The following ANKS1B variants were observed in gnomAD, a reference collection of about 807,000 sequenced individuals.
ANKS1B encodes ankyrin repeat and sterile alpha motif domain-containing protein 1B.
ANKS1B carries 36 observed loss-of-function variants against 148.3 expected under a neutral mutation model. The ratio of observed to expected loss-of-function variants is 0.24; its 90% CI spans 0.19 to 0.32. ANKS1B has a LOEUF of 0.32. Ranked by LOEUF, ANKS1B falls within the 10% of genes least tolerant of loss-of-function variation. The pLI is 1.00. For synonymous variants in ANKS1B, 542 were observed against 560.8 expected, an observed-to-expected ratio of 0.97 and a Z score of 0.47; for missense variants, 1,157 against 1,542.6, an observed-to-expected ratio of 0.75 and a Z score of 4.19.
chr12:99,538,795 G>A (rs2097097624), intron 9 of ANKS1B, among the ~76,000 whole-genome samples: 2 of 152,130 alleles, frequency 1.3e-5, no homozygotes, highest in Non-Finnish European at 2.9e-5. Flanking sequence ...AGTGGTGACA[G>A]TGGGCATCCT....
rs113750026 is a variant in ANKS1B at position 99,887,434 on chromosome 12, G to A, written c.135-62045C>T. Among the ~76,000 whole-genome samples, 427 of 152,188 alleles carry A rather than the reference G, an allele frequency of 2.8e-3. 1 individual carries two copies. The highest frequency in any genetic ancestry group is 9.7e-3 in the African/African-American group (404 of 41,524). On this transcript the variant is annotated intron_variant, in intron 1 of 26. Coordinates refer to ENST00000683438, the MANE Select transcript of ANKS1B (RefSeq NM_001352186.2). ...ATTAATATCATCTGTTTCTTTTCAC[G>A]TTTCAAAGTGTAGTTACTACAGATT... is the stretch of plus-strand genomic sequence containing the variant.
chr12:99,600,415 C>T (rs1192226644), intron 9 of ANKS1B, among the ~76,000 whole-genome samples: 5 of 151,844 alleles, frequency 3.3e-5, no homozygotes, highest in Admixed American at 6.6e-5. Context: ...ACTTTTATGC[C>T]GCTGCGAAGG....
intron 11 of ANKS1B, among the ~76,000 whole-genome samples, chr12:99,407,755 T>C (rs2094565931): frequency 6.9e-6 from 1 of 145,390 alleles, no homozygotes; most frequent in Admixed American, 6.8e-5. Flanking sequence ...TTACAATAGC[T>C]ACAAATAAAA....
At chr12:99,865,356 C>A (rs929955259) in intron 1 of ANKS1B, among the ~76,000 whole-genome samples, 1 of 152,138 alleles carries the variant, frequency 6.6e-6, no homozygotes, top group African/African-American at 2.4e-5. Context: ...CCCCTGGACT[C>A]GTAACTGCCC....
chr12:99,031,274 G>A (rs1228988382), intron 17 of ANKS1B, among the ~76,000 whole-genome samples: 2 of 152,138 alleles, frequency 1.3e-5, no homozygotes, highest in Non-Finnish European at 2.9e-5. Flanking sequence ...CATATGCCAG[G>A]AATTCCAGGT....
intron 19 of ANKS1B, among the ~76,000 whole-genome samples, chr12:98,825,181 T>A (rs1382326977): frequency 6.6e-6 from 1 of 152,102 alleles, no homozygotes; most frequent in Admixed American, 6.6e-5. Flanking sequence ...AGATACTGCA[T>A]GTGCAATCCC....
chr12:99,265,222 T>A (rs188725156), intron 12 of ANKS1B, among the ~76,000 whole-genome samples: 58 of 152,284 alleles, frequency 3.8e-4, no homozygotes, highest in Non-Finnish European at 6.3e-4. Context: ...TAGCATCTCC[T>A]GAACACTTAT....
rs558850984 is a variant in ANKS1B, at chr12:99,320,526, A to G, written c.1757-73662T>C. ...GCATGCATCATGTAGTTCTCGTGGC[A>G]TGGTTTTCAGCTCCATCCGGTCATT... On this transcript the variant is annotated intron_variant, in intron 12 of 26. Transcript: ENST00000683438. 7.2e-5 allele frequency among the ~76,000 whole-genome samples: 11 copies of G among 152,204 alleles called. No homozygotes were observed. The South Asian group carries it at 1.0e-3, about 14-fold the overall frequency.
At chr12:98,879,386 A>G (rs771804115) in intron 17 of ANKS1B, among the ~76,000 whole-genome samples, 2 of 152,236 alleles carry the variant, frequency 1.3e-5, no homozygotes, top group African/African-American at 2.4e-5. Context: ...TTTTCCCAAA[A>G]GCACACACAG....
At chr12:99,367,777 T>A (rs2092851641) in intron 12 of ANKS1B, among the ~76,000 whole-genome samples, 1 of 151,222 alleles carries the variant, frequency 6.6e-6, no homozygotes, top group South Asian at 2.1e-4. Flanking sequence ...GCAGAGTATG[T>A]GTGTGTGCTT....
At chr12:98,926,914 C>A (rs1191933801) in intron 17 of ANKS1B, among the ~76,000 whole-genome samples, 1 of 151,738 alleles carries the variant, frequency 6.6e-6, no homozygotes, top group African/African-American at 2.4e-5. Flanking sequence ...AGTGAGAGTC[C>A]CAGACAGATA....
chr12:99,296,987 CAT>C (rs2080961691), intron 12 of ANKS1B, among the ~76,000 whole-genome samples: 2 of 152,212 alleles, frequency 1.3e-5, no homozygotes, highest in South Asian at 4.1e-4. Context: ...ATTTCAGAAA[CAT>C]AGATTTTTGG....
At chr12:99,945,669 A>C (rs2095042574) in intron 1 of ANKS1B, among the ~76,000 whole-genome samples, 1 of 152,206 alleles carries the variant, frequency 6.6e-6, no homozygotes, top group African/African-American at 2.4e-5. Flanking sequence ...ATGGGCACTT[A>C]ATCCAGAACA....
At chr12:99,194,132 A>AT (rs964216238) in intron 14 of ANKS1B, among the ~76,000 whole-genome samples, 3 of 151,946 alleles carry the variant, frequency 2.0e-5, no homozygotes, top group Admixed American at 1.3e-4. Context: ...TGGAATATAT[A>AT]TTTTTTAAAG....
chr12:98,761,370 T>C (rs2098401899), intron 25 of ANKS1B, among the ~76,000 whole-genome samples: 1 of 152,202 alleles, frequency 6.6e-6, no homozygotes, highest in Non-Finnish European at 1.5e-5. Context: ...ATTAAAATAC[T>C]ATTTTCGGAA....
intron 1 of ANKS1B, among the ~76,000 whole-genome samples, chr12:99,946,942 T>A (rs1265058204): frequency 6.6e-6 from 1 of 152,094 alleles, no homozygotes; most frequent in African/African-American, 2.4e-5. Context: ...AATGATTATG[T>A]TTTTAAGACA....
intron 9 of ANKS1B, among the ~76,000 whole-genome samples, chr12:99,586,569 C>T (rs1454704767): frequency 1.3e-5 from 2 of 152,184 alleles, no homozygotes; most frequent in Non-Finnish European, 2.9e-5. Context: ...CTGTAAGTTA[C>T]TTCCACATTT....
intron 16 of ANKS1B, among the ~76,000 whole-genome samples, chr12:99,074,352 A>T (rs1426642746): frequency 6.6e-6 from 1 of 151,980 alleles, no homozygotes; most frequent in South Asian, 2.1e-4. Flanking sequence ...AACACTAAAA[A>T]GTTCTGCCTC....
chr12:99,515,958 CTTCTT>C (rs1233002043), intron 9 of ANKS1B, among the ~76,000 whole-genome samples: 2 of 152,120 alleles, frequency 1.3e-5, no homozygotes, highest in Admixed American at 6.6e-5. Context: ...ATTTGTATGT[CTTCTT>C]TTAAGAAATG....
Sources: allele counts gnomAD v4.1 joint callset (sites outside exome capture counted in the v4.1 genomes callset), GRCh38; gene constraint gnomAD v4.1.1; transcripts MANE v1.5; gene names NCBI Gene and HGNC (gene_info 2026-07-23, HGNC 2026-07-21).